The following TFRC variants were observed in gnomAD, a reference collection of about 807,000 sequenced individuals.
The protein encoded by TFRC is transferrin receptor protein 1.
TFRC carries 35 observed loss-of-function variants against 85.8 expected under a neutral mutation model. The ratio of observed to expected loss-of-function variants is 0.41; its 90% CI spans 0.31 to 0.54. The LOEUF is 0.54. TFRC is among the 20% of genes least tolerant of loss of function. The pLI is 0.31. For missense variants in TFRC, 828 were observed against 921.5 expected, an observed-to-expected ratio of 0.90 and a Z score of 1.31; for synonymous variants, 362 against 328.6, an observed-to-expected ratio of 1.10 and a Z score of -1.10.
intron 8 of TFRC, among the ~76,000 whole-genome samples, 186 bp from the exon 9 acceptor site, chr3:196,067,843 A>G (rs1277957611): frequency 2.0e-5 from 3 of 152,238 alleles, no homozygotes; most frequent in Non-Finnish European, 4.4e-5. Context: ...TCAAGGCACT[A>G]TTGACAAAGT....
At position 196,068,263 on chromosome 3, in the gene TFRC, G is replaced by T. The variant is rs535135858; in HGVS notation, c.802-133C>A. On this transcript the variant is annotated intron_variant, in intron 7 of 18. Transcript: ENST00000360110. Reference sequence around the variant, plus strand: ...ATAATACTTCCAAATATTTCAAATTGTTTATCTGGTAATTTATTAATTGCT... The same window carrying T: ...ATAATACTTCCAAATATTTCAAATTTTTTATCTGGTAATTTATTAATTGCT... The T allele has an allele frequency of 4.1e-5, 23 of 565,210 alleles. No homozygotes were observed. The East Asian group carries it at 7.1e-4, about 17-fold the overall frequency. The allele number at this position is 565,210 out of a possible 1,614,324, so 35.0% of individuals were successfully genotyped here.
intron 16 of TFRC, among the ~76,000 whole-genome samples, chr3:196,057,335 G>A (rs1024658589): frequency 6.6e-6 from 1 of 152,048 alleles, no homozygotes; most frequent in Non-Finnish European, 1.5e-5. Context: ...GCAACCCCCA[G>A]TCACGTACCC....
intron 5 of TFRC, 134 bp downstream of exon 5, chr3:196,071,869 A>G (rs1718237157): frequency 2.1e-6 from 2 of 951,124 alleles, no homozygotes; most frequent in South Asian, 3.5e-5. Flanking sequence ...GTGCCACTGC[A>G]CTCCAGCCTG....
At chr3:196,074,589 AG>A (rs1718496728) in intron 3 of TFRC, among the ~76,000 whole-genome samples, 1 of 152,240 alleles carries the variant, frequency 6.6e-6, no homozygotes. Context: ...GCACTTAAAA[AG>A]GCATAAAGTG....
rs1329148374 is a variant in TFRC, at chr3:196,068,137, G to A, written c.802-7C>T. The A allele has an allele frequency of 6.2e-7, 1 of 1,603,024 alleles. No homozygotes were observed. The highest frequency in any genetic ancestry group is 1.1e-5 in the South Asian group (1 of 90,070). ...AGCTTTCAGCATTTGCAACCTAAAA[G>A]AAAACATATAAAGCTCAGAAAATGA... On this transcript the variant is annotated splice_region_variant and splice_polypyrimidine_tract_variant and intron_variant, in intron 7 of 18. Coordinates refer to ENST00000360110, the MANE Select transcript of TFRC (RefSeq NM_001128148.3).
At chr3:196,060,103 A>T in intron 14 of TFRC, 77 bp downstream of exon 14, 1 of 1,152,382 alleles carries the variant, frequency 8.7e-7, no homozygotes, top group Non-Finnish European at 1.3e-6. Flanking sequence ...ACTACGGTTT[A>T]CATATCAGTG....
Position 196,050,521 on chromosome 3 carries a change from T to G in TFRC, c.*1421A>C, listed in dbSNP as rs1716226012. The G allele has an allele frequency of 4.9e-6, 1 of 204,344 alleles. No individual in the cohort carries two copies. The highest frequency in any genetic ancestry group is 6.0e-5 in the Admixed American group (1 of 16,758). 12.7% of individuals were successfully genotyped at this position (204,344 alleles called of 1,614,324 possible). A position where few individuals can be genotyped will look rare whatever the true frequency, so the allele number is the denominator to read the frequency against. On this transcript the variant is annotated 3_prime_UTR_variant, in exon 19 of 19. Coordinates refer to ENST00000360110, the MANE Select transcript of TFRC (RefSeq NM_001128148.3). ...ACACCCTTAGTGTAACATATGGAGA[T>G]CACTGTCTCCGATACAGACACTGTG...
At chr3:196,055,011 AG>A in intron 17 of TFRC, 68 bp downstream of exon 17, 1 of 1,450,606 alleles carries the variant, frequency 6.9e-7, no homozygotes, top group East Asian at 2.3e-5. Context: ...AGGAACACAC[AG>A]GAACACATCA....
chr3:196,079,312 A>C (rs1167955495), intron 1 of TFRC, among the ~76,000 whole-genome samples: 1 of 152,246 alleles, frequency 6.6e-6, no homozygotes, highest in Non-Finnish European at 1.5e-5. Context: ...ATTAATTTTA[A>C]GAACACAAAG....
At position 196,058,383 on chromosome 3, in the gene TFRC, G is replaced by T. The variant is rs777395218; in HGVS notation, c.1596-18C>A. 11 of 1,602,256 alleles carry T rather than the reference G, an allele frequency of 6.9e-6. No individual in the cohort carries two copies. In the South Asian group the frequency reaches 1.1e-4, roughly 16 times the overall value. On this transcript the variant is annotated intron_variant, in intron 15 of 18. Transcript: ENST00000360110. Reference sequence around the variant, plus strand: ...GTTTCTCACTGCAAAGACAAAGAATGTGTCTTTAGAAAGTGTTTTAAAGAA... The same window carrying T: ...GTTTCTCACTGCAAAGACAAAGAATTTGTCTTTAGAAAGTGTTTTAAAGAA...
intron 1 of TFRC, among the ~76,000 whole-genome samples, chr3:196,079,733 G>A (rs1336980397): frequency 6.6e-6 from 1 of 152,170 alleles, no homozygotes; most frequent in Non-Finnish European, 1.5e-5. Context: ...TAGGCAAAAC[G>A]TAGCCCCACG....
rs751283696 is a variant in TFRC at position 196,052,196 on chromosome 3, A to C, written c.2041-12T>G. On this transcript the variant is annotated splice_polypyrimidine_tract_variant and intron_variant, in intron 18 of 18. Transcript: ENST00000360110. ...AAGTGATACTCCACCTACGAAAACAACACACAAGGCAATTTACACAGCCCT... is the reference window on the plus strand; with the variant it reads ...AAGTGATACTCCACCTACGAAAACACCACACAAGGCAATTTACACAGCCCT... 6.2e-6 allele frequency: 10 copies of C among 1,612,360 alleles called. No homozygotes were observed. Among genetic ancestry groups the C allele is most frequent in the East Asian group, 4.5e-5 (2 of 44,868 alleles).
At chr3:196,059,341 C>T (rs1222285663) in intron 14 of TFRC, among the ~76,000 whole-genome samples, 2 of 151,674 alleles carry the variant, frequency 1.3e-5, no homozygotes, top group South Asian at 4.2e-4. Flanking sequence ...AACAAACAAA[C>T]AAACAAAACC....
Position 196,049,510 on chromosome 3 carries a change from G to A in TFRC, c.*2432C>T, listed in dbSNP as rs756201831. 3.1e-4 allele frequency: 67 copies of A among 219,626 alleles called. No individual in the cohort carries two copies. Among genetic ancestry groups the A allele is most frequent in the Non-Finnish European group, 5.2e-4 (57 of 109,512 alleles). The allele number at this position is 219,626 out of a possible 1,614,324, so 13.6% of individuals were successfully genotyped here. ...CCTCCAAAAGGCCCATCTCCTTAAC[G>A]AGAAGACATCTCAAGACCAGGAGCT... On this transcript the variant is annotated 3_prime_UTR_variant, in exon 19 of 19. Transcript: ENST00000360110.
intron 8 of TFRC, 23 bp downstream of exon 8, chr3:196,068,009 G>C: frequency 6.3e-7 from 1 of 1,588,178 alleles, no homozygotes. Flanking sequence ...TCAAAACGGT[G>C]ATTTACTCAA....
chr3:196,064,176 C>G (rs1717517097), intron 11 of TFRC, 133 bp downstream of exon 11: 2 of 975,622 alleles, frequency 2.0e-6, no homozygotes, highest in African/African-American at 3.4e-5. Context: ...AAAAGACAAT[C>G]TGCCTTGTAT....
chr3:196,067,294 A>G (rs1408641425), intron 9 of TFRC, among the ~76,000 whole-genome samples: 5 of 152,262 alleles, frequency 3.3e-5, no homozygotes, highest in Non-Finnish European at 5.9e-5. Context: ...CACTGGGTTT[A>G]TAAGTCTCCT....
intron 1 of TFRC, among the ~76,000 whole-genome samples, chr3:196,080,979 G>T (rs1256229831): frequency 6.6e-6 from 1 of 152,122 alleles, no homozygotes; most frequent in African/African-American, 2.4e-5. Flanking sequence ...GAAGAAAATG[G>T]AAAAAGCTGC....
intron 14 of TFRC, 76 bp from the exon 15 acceptor site, chr3:196,058,708 C>G (rs1011059183): frequency 2.1e-5 from 20 of 962,318 alleles, no homozygotes; most frequent in Non-Finnish European, 3.1e-5. Context: ...ACATGTTACT[C>G]TATAACAATT....
Sources: gnomAD v4.1 joint callset for allele counts (sites outside exome capture counted in the v4.1 genomes callset) on GRCh38, gnomAD v4.1.1 for gene constraint, MANE v1.5 for transcripts, NCBI Gene and HGNC (gene_info 2026-07-23, HGNC 2026-07-21) for gene names.